The following FAM204A variants were observed in gnomAD, a reference collection of about 807,000 sequenced individuals.
The protein encoded by FAM204A is family with sequence similarity 204 member A.
FAM204A carries 16 observed loss-of-function variants against 35.4 expected under a neutral mutation model. That is an observed-to-expected ratio of 0.45 (90% confidence interval 0.31 to 0.69). FAM204A has a LOEUF of 0.69. FAM204A is among the 30% of genes least tolerant of loss of function. The pLI is 0.07. For missense variants in FAM204A, 240 were observed against 265.7 expected, an observed-to-expected ratio of 0.90 and a Z score of 0.67; for synonymous variants, 76 against 86.9, an observed-to-expected ratio of 0.88 and a Z score of 0.70.
At position 118,323,426 on chromosome 10, in the gene FAM204A, T is replaced by C. The variant is rs117736429; in HGVS notation, c.543+2728A>G. Among the ~76,000 whole-genome samples, 478 of 152,228 alleles carry C rather than the reference T, an allele frequency of 3.1e-3. 3 individuals are homozygous for C. The highest frequency in any genetic ancestry group is 3.4e-3 in the Middle Eastern group (1 of 294). On this transcript the variant is annotated intron_variant, in intron 7 of 8. Coordinates refer to ENST00000369183, the MANE Select transcript of FAM204A (RefSeq NM_022063.3). ...CAACATACAGCAGGACATGGAATGC[T>C]TTATCATCACTAGTAATGCACTTAA...
rs574854845 is a variant in FAM204A, at chr10:118,316,159, T to C, written c.544-4846A>G. Among the ~76,000 whole-genome samples the C allele has an allele frequency of 2.0e-5, 3 of 152,256 alleles. 1 individual carries two copies. The South Asian group carries it at 6.2e-4, about 32-fold the overall frequency. On this transcript the variant is annotated intron_variant, in intron 7 of 8. Transcript: ENST00000369183. ...AGTTCAAGAAGCAAATAAGAAAAAGTACTTCCAATGACTGGTAACACTGTG... is the reference window on the plus strand; with the variant it reads ...AGTTCAAGAAGCAAATAAGAAAAAGCACTTCCAATGACTGGTAACACTGTG...
chr10:118,300,456 TAC>T lies in FAM204A; in HGVS notation c.*10399_*10400del, dbSNP rs1478955977. The T allele has an allele frequency of 6.6e-6, 1 of 152,178 alleles. No individual in the cohort carries two copies. The highest frequency in any genetic ancestry group is 1.5e-5 in the Non-Finnish European group (1 of 68,028). 9.4% of individuals were successfully genotyped at this position (152,178 alleles called of 1,614,324 possible). On this transcript the variant is annotated 3_prime_UTR_variant, in exon 9 of 9. Transcript: ENST00000369183. ...GAGTCATTGAGAAATATCCTAGGAA[TAC>T]AGTCATGAAAATTGAATGGCCCATT...
In FAM204A at chr10:118,307,963, G is replaced by T. The variant is rs1845891547; in HGVS notation, c.*2894C>A. The T allele has an allele frequency of 6.6e-6, 1 of 152,186 alleles. No individual in the cohort carries two copies. The highest frequency in any genetic ancestry group is 2.4e-5 in the African/African-American group (1 of 41,452). The allele number at this position is 152,186 out of a possible 1,614,324, so 9.4% of individuals were successfully genotyped here. ...GTACTGATTTACAGTCTTGGCTGAG[G>T]TATTTAACTCTGTCATCAGAACTAA... On this transcript the variant is annotated 3_prime_UTR_variant, in exon 9 of 9. Transcript: ENST00000369183.
chr10:118,340,339 G>C (rs1232312283), intron 2 of FAM204A, among the ~76,000 whole-genome samples: 2 of 152,208 alleles, frequency 1.3e-5, no homozygotes, highest in African/African-American at 2.4e-5. Flanking sequence ...GTTGGAAAAT[G>C]GTTTCTAGTC....
chr10:118,338,554 C>T (rs1030711173), intron 2 of FAM204A, among the ~76,000 whole-genome samples: 6 of 152,162 alleles, frequency 3.9e-5, no homozygotes, highest in African/African-American at 1.4e-4. Context: ...TACATGCCCA[C>T]TTATGTGCCA....
rs1845877943 is a variant in FAM204A at position 118,307,271 on chromosome 10, G to C, written c.*3586C>G. On this transcript the variant is annotated 3_prime_UTR_variant, in exon 9 of 9. Transcript: ENST00000369183. ...CAGTCTACATTTGGTTCTGGAAAAA[G>C]ATTTTCATGTACATATTTTGTCCAA... 6.6e-6 allele frequency: 1 copy of C among 152,228 alleles called. No homozygotes were observed. Among genetic ancestry groups the C allele is most frequent in the African/African-American group, 2.4e-5 (1 of 41,528 alleles). The allele number at this position is 152,228 out of a possible 1,614,324, so 9.4% of individuals were successfully genotyped here.
In FAM204A at chr10:118,298,413, A is replaced by G. The variant is rs1156899131; in HGVS notation, c.*12444T>C. 1 of 152,168 alleles carries G rather than the reference A, an allele frequency of 6.6e-6. No individual in the cohort carries two copies. The highest frequency in any genetic ancestry group is 1.5e-5 in the Non-Finnish European group (1 of 68,040). 9.4% of individuals were successfully genotyped at this position (152,168 alleles called of 1,614,324 possible). A position where few individuals can be genotyped will look rare whatever the true frequency, so the allele number is the denominator to read the frequency against. ...TCCGAATGCGATGTGTATCTGAATA[A>G]AGACGCTTATTCTCTCCTACCAGTT... On this transcript the variant is annotated 3_prime_UTR_variant, in exon 9 of 9. Transcript: ENST00000369183.
chr10:118,341,521 G>A (rs1050885204), intron 2 of FAM204A, among the ~76,000 whole-genome samples: 4 of 152,152 alleles, frequency 2.6e-5, no homozygotes, highest in Admixed American at 2.6e-4. Context: ...AAGGACAACT[G>A]AATTACAGGC....
rs1333444240 is a variant in FAM204A at position 118,307,590 on chromosome 10, AAAC to A, written c.*3264_*3266del. ...ATAATGTACAACTCTCATTTTGTTT[AAAC>A]AACAACCTCATACAATATGTTTTAT... On this transcript the variant is annotated 3_prime_UTR_variant, in exon 9 of 9. Coordinates refer to ENST00000369183, the MANE Select transcript of FAM204A (RefSeq NM_022063.3). The A allele has an allele frequency of 6.6e-6, 1 of 152,220 alleles. No individual in the cohort carries two copies. The highest frequency in any genetic ancestry group is 2.4e-5 in the African/African-American group (1 of 41,462). 9.4% of individuals were successfully genotyped at this position (152,220 alleles called of 1,614,324 possible). A position where few individuals can be genotyped will look rare whatever the true frequency, so the allele number is the denominator to read the frequency against.
chr10:118,297,970 C>T lies in FAM204A; in HGVS notation c.*12887G>A, dbSNP rs1845767298. ...TTTATTGCTGAATTGTCACAACAGC[C>T]CTGACCAAGTAGTTATTATTGCCCT... On this transcript the variant is annotated 3_prime_UTR_variant, in exon 9 of 9. Coordinates refer to ENST00000369183, the MANE Select transcript of FAM204A (RefSeq NM_022063.3). The T allele has an allele frequency of 6.6e-6, 1 of 152,138 alleles. No homozygotes were observed. The highest frequency in any genetic ancestry group is 2.4e-5 in the African/African-American group (1 of 41,422). The allele number at this position is 152,138 out of a possible 1,614,324, so 9.4% of individuals were successfully genotyped here.
chr10:118,313,634 A>C (rs1845986528), intron 7 of FAM204A, among the ~76,000 whole-genome samples: 1 of 152,130 alleles, frequency 6.6e-6, no homozygotes, highest in East Asian at 1.9e-4. Flanking sequence ...CCAAAACGTA[A>C]AACAGAAAAA....
chr10:118,303,049 T>A lies in FAM204A; in HGVS notation c.*7808A>T, dbSNP rs1226728418. Reference sequence around the variant, plus strand: ...CACTTCAAGAACCACTGGAATGGGGTAGGGAAGAGGCAAAGGCCTGGCCTG... The same window carrying A: ...CACTTCAAGAACCACTGGAATGGGGAAGGGAAGAGGCAAAGGCCTGGCCTG... On this transcript the variant is annotated 3_prime_UTR_variant, in exon 9 of 9. Coordinates refer to ENST00000369183, the MANE Select transcript of FAM204A (RefSeq NM_022063.3). 1 of 152,198 alleles carries A rather than the reference T, an allele frequency of 6.6e-6. No homozygotes were observed. Among genetic ancestry groups the A allele is most frequent in the Non-Finnish European group, 1.5e-5 (1 of 68,036 alleles). 9.4% of individuals were successfully genotyped at this position (152,198 alleles called of 1,614,324 possible).
chr10:118,319,520 G>C (rs236192), intron 7 of FAM204A, among the ~76,000 whole-genome samples: 3,290 of 151,952 alleles, frequency 0.022, 99 homozygotes, highest in African/African-American at 0.073. Flanking sequence ...TCTATAAAGA[G>C]GGTACCATTA....
chr10:118,307,859 C>T lies in FAM204A; in HGVS notation c.*2998G>A, dbSNP rs2119781341. 1 of 152,228 alleles carries T rather than the reference C, an allele frequency of 6.6e-6. No individual in the cohort carries two copies. The highest frequency in any genetic ancestry group is 2.1e-4 in the South Asian group (1 of 4,822). The allele number at this position is 152,228 out of a possible 1,614,324, so 9.4% of individuals were successfully genotyped here. ...TATTCCTATCCTTAGCCTGCTGCTCCCTTATCTGTCATCCTAAAAAAATAA... is the reference window on the plus strand; with the variant it reads ...TATTCCTATCCTTAGCCTGCTGCTCTCTTATCTGTCATCCTAAAAAAATAA... On this transcript the variant is annotated 3_prime_UTR_variant, in exon 9 of 9. Transcript: ENST00000369183.
Position 118,335,581 on chromosome 10 carries a change from C to T in FAM204A, c.295G>A (p.Gly99Arg), listed in dbSNP as rs1217521921. The change falls in exon 4 of 9, where the codon GGG becomes AGG. Residue 99 changes from glycine (G) to arginine (R), a missense_variant. Physicochemically the swap from Gly to Arg is moderately radical, Grantham distance 125. Coordinates refer to ENST00000369183, the MANE Select transcript of FAM204A (RefSeq NM_022063.3). ...TTTCTGGAGCGTTTTCTTCTTTTCC[C>T]TCTGAATCTTGAGGTTGTGCTTTTC... ...EQKSTTSRFR[G>R]KRRKRSRKDK... 6.2e-7 allele frequency: 1 copy of T among 1,611,600 alleles called. No individual in the cohort carries two copies. Among genetic ancestry groups the T allele is most frequent in the Non-Finnish European group, 8.5e-7 (1 of 1,179,430 alleles).
chr10:118,302,266 G>A lies in FAM204A; in HGVS notation c.*8591C>T, dbSNP rs1845816127. 1 of 152,208 alleles carries A rather than the reference G, an allele frequency of 6.6e-6. No individual in the cohort carries two copies. Among genetic ancestry groups the A allele is most frequent in the Non-Finnish European group, 1.5e-5 (1 of 68,046 alleles). 9.4% of individuals were successfully genotyped at this position (152,208 alleles called of 1,614,324 possible). ...ATGAGAAAAGGAAATGCAGGAAGAG[G>A]GATCCATTTCTTCCAGATTCTGTTA... On this transcript the variant is annotated 3_prime_UTR_variant, in exon 9 of 9. Coordinates refer to ENST00000369183, the MANE Select transcript of FAM204A (RefSeq NM_022063.3).
In FAM204A at chr10:118,308,867, T is replaced by C. The variant is rs1845904792; in HGVS notation, c.*1990A>G. 1 of 146,862 alleles carries C rather than the reference T, an allele frequency of 6.8e-6. No homozygotes were observed. The highest frequency in any genetic ancestry group is 1.5e-5 in the Non-Finnish European group (1 of 67,176). The allele number at this position is 146,862 out of a possible 1,614,324, so 9.1% of individuals were successfully genotyped here. A position where few individuals can be genotyped will look rare whatever the true frequency, so the allele number is the denominator to read the frequency against. On this transcript the variant is annotated 3_prime_UTR_variant, in exon 9 of 9. Coordinates refer to ENST00000369183, the MANE Select transcript of FAM204A (RefSeq NM_022063.3). ...TGCCTGCAGGGGTCACTAAATGCTC[T>C]AAGGAGTAGAAACAGAAAAAAAAAA...
intron 7 of FAM204A, among the ~76,000 whole-genome samples, chr10:118,322,787 T>C (rs1398855035): frequency 6.6e-6 from 1 of 152,048 alleles, no homozygotes; most frequent in Non-Finnish European, 1.5e-5. Flanking sequence ...TCTGAAATAA[T>C]TGCAAAATAT....
At position 118,310,506 on chromosome 10, in the gene FAM204A, G is replaced by T. The variant is rs201808962; in HGVS notation, c.*351C>A. 1.2e-5 allele frequency: 2 copies of T among 172,716 alleles called. No individual in the cohort carries two copies. The highest frequency in any genetic ancestry group is 2.4e-5 in the Non-Finnish European group (2 of 84,316). The allele number at this position is 172,716 out of a possible 1,614,324, so 10.7% of individuals were successfully genotyped here. A position where few individuals can be genotyped will look rare whatever the true frequency, so the allele number is the denominator to read the frequency against. Reference sequence around the variant, plus strand: ...TCTGTCTCAAAAAAAAAAAAAAAAAGAAAGAAAGTACGAGAAGCTCACTGG... The same window carrying T: ...TCTGTCTCAAAAAAAAAAAAAAAAATAAAGAAAGTACGAGAAGCTCACTGG... On this transcript the variant is annotated 3_prime_UTR_variant, in exon 9 of 9. Coordinates refer to ENST00000369183, the MANE Select transcript of FAM204A (RefSeq NM_022063.3).
Sources: gnomAD v4.1 joint callset for allele counts (sites outside exome capture counted in the v4.1 genomes callset) on GRCh38, gnomAD v4.1.1 for gene constraint, MANE v1.5 for transcripts, NCBI Gene and HGNC (gene_info 2026-07-23, HGNC 2026-07-21) for gene names.